The following PLCG2 variants were observed in gnomAD, a reference collection of about 807,000 sequenced individuals.
PLCG2 encodes the protein 1-phosphatidylinositol 4,5-bisphosphate phosphodiesterase gamma-2.
A neutral mutation model predicts 175.6 loss-of-function variants in PLCG2; 69 were observed. The observed-to-expected ratio is 0.39, with a 90% CI of 0.32 to 0.48. PLCG2 has a LOEUF of 0.48. Among genes scored for constraint, PLCG2 ranks in the 20% least tolerant of loss-of-function variants. The pLI is 0.91. For missense variants in PLCG2, 1,798 were observed against 1,650.9 expected (o/e 1.09, Z -1.54); for synonymous variants, 827 against 624.0 (o/e 1.33, Z -4.85).
At chr16:81,769,799 G>T (rs1274556372) in intron 2 of PLCG2, among the ~76,000 whole-genome samples, 1 of 134,646 alleles carries the variant, frequency 7.4e-6, no homozygotes, top group African/African-American at 2.9e-5. Flanking sequence ...CAGCCTGGGC[G>T]ACAGAGCGAG....
chr16:81,787,747 C>G (rs1398680027), intron 2 of PLCG2, among the ~76,000 whole-genome samples: 1 of 152,126 alleles, frequency 6.6e-6, no homozygotes, highest in Non-Finnish European at 1.5e-5. Flanking sequence ...TCCCCCCTAC[C>G]AGACGTAAGC....
chr16:81,938,645 A>G, intron 28 of PLCG2, 156 bp from the exon 29 acceptor site: 4 of 601,286 alleles, frequency 6.7e-6, no homozygotes, highest in African/African-American at 1.9e-5. Context: ...ACCTTCATCC[A>G]CTGCAGAAGG....
intron 2 of PLCG2, among the ~76,000 whole-genome samples, chr16:81,812,128 C>T (rs1266548678): frequency 6.8e-6 from 1 of 146,846 alleles, no homozygotes; most frequent in Non-Finnish European, 1.5e-5. Flanking sequence ...CAGCTCACTG[C>T]AAGCTCCGCC....
rs372730927 is a variant in PLCG2 at position 81,938,928 on chromosome 16, C to A, written c.3313+13C>A. 6.7e-6 allele frequency: 10 copies of A among 1,484,572 alleles called. No homozygotes were observed. The East Asian group carries it at 6.8e-5, about 10-fold the overall frequency. 92.0% of individuals were successfully genotyped at this position (1,484,572 alleles called of 1,614,324 possible). On this transcript the variant is annotated intron_variant, in intron 29 of 32. Transcript: ENST00000564138. ...ACGACGGTTGTGAGTAAGTCAGTCA[C>A]CTTGGCCCCTCTGCTTTTAAACGTC...
At chr16:81,832,175 C>G (rs1050592549) in intron 2 of PLCG2, among the ~76,000 whole-genome samples, 4 of 152,132 alleles carry the variant, frequency 2.6e-5, no homozygotes, top group Admixed American at 6.5e-5. Context: ...AGCCTTTGCT[C>G]AGTGCCTGAC....
At chr16:81,757,316 C>CA (rs1196108148) in intron 2 of PLCG2, among the ~76,000 whole-genome samples, 1 of 151,792 alleles carries the variant, frequency 6.6e-6, no homozygotes, top group Non-Finnish European at 1.5e-5. Context: ...CCCAAACAAA[C>CA]AAAAAAACAA....
intron 5 of PLCG2, among the ~76,000 whole-genome samples, chr16:81,866,569 G>A (rs1239146848): frequency 1.1e-5 from 1 of 93,074 alleles, no homozygotes; most frequent in Non-Finnish European, 2.6e-5. Flanking sequence ...AGAGGACGTG[G>A]CCTCTCCCTT....
intron 11 of PLCG2, among the ~76,000 whole-genome samples, chr16:81,893,084 C>T (rs1908714141): frequency 6.6e-6 from 1 of 152,164 alleles, no homozygotes; most frequent in Admixed American, 6.5e-5. Context: ...TGGTCTTGAA[C>T]ACCTGACCTC....
At chr16:81,851,371 C>T (rs935826413) in intron 2 of PLCG2, among the ~76,000 whole-genome samples, 8 of 152,142 alleles carry the variant, frequency 5.3e-5, no homozygotes, top group African/African-American at 1.2e-4. Flanking sequence ...ACATACACTC[C>T]GTTTTCTTGT....
Position 81,923,572 on chromosome 16 carries a change from G to A in PLCG2, c.2395G>A (p.Val799Ile), listed in dbSNP as rs781130389. 2 of 1,612,414 alleles carry A rather than the reference G, an allele frequency of 1.2e-6. No individual in the cohort carries two copies. Among genetic ancestry groups the A allele is most frequent in the Non-Finnish European group, 1.7e-6 (2 of 1,178,750 alleles). The change falls in exon 22 of 33, where the codon GTC becomes ATC. Residue 799 changes from valine to isoleucine, a missense_variant. Transcript: ENST00000564138. ...SFCRGALIHN[V>I]SKEPGGWWKG... Reference sequence around the variant, plus strand: ...CTGCCGTGGTGCCCTCATCCACAATGTCTCCAAGGAGCCCGGGGGCTGGTA... The same window carrying A: ...CTGCCGTGGTGCCCTCATCCACAATATCTCCAAGGAGCCCGGGGGCTGGTA...
rs67160306 is a variant in PLCG2, at chr16:81,787,393, A to ATTTTTTTTTTTTTT, written c.193+1216_193+1229dup. On this transcript the variant is annotated intron_variant, in intron 2 of 32. Transcript: ENST00000564138. Reference sequence around the variant, plus strand: ...TGCACCGCCATGCCTGGATAATTTAATTTTTTTTTTTTTTTTTTGTAGAGA... The same window carrying ATTTTTTTTTTTTTT: ...TGCACCGCCATGCCTGGATAATTTAATTTTTTTTTTTTTTTTTTTTTTTTTTTTTTTTGTAGAGA... Among the ~76,000 whole-genome samples the ATTTTTTTTTTTTTT allele has an allele frequency of 7.4e-3, 695 of 94,522 alleles. 20 individuals carry two copies. The highest frequency in any genetic ancestry group is 9.9e-3 in the Non-Finnish European group (504 of 51,120). The allele number at this position is 94,522 out of a possible 152,430, so 62.0% of individuals were successfully genotyped here.
chr16:81,857,029 C>G (rs79737853), intron 3 of PLCG2, among the ~76,000 whole-genome samples: 2 of 152,120 alleles, frequency 1.3e-5, no homozygotes, highest in African/African-American at 4.8e-5. Context: ...CTCATGCAAC[C>G]AGTCTATTTT....
chr16:81,825,572 G>A (rs1905013989), intron 2 of PLCG2, among the ~76,000 whole-genome samples: 1 of 152,176 alleles, frequency 6.6e-6, no homozygotes, highest in Non-Finnish European at 1.5e-5. Context: ...TGGGATTATA[G>A]GCGTGAGCCA....
chr16:81,876,999 GCCTCC>G, intron 7 of PLCG2, among the ~76,000 whole-genome samples: 1 of 152,292 alleles, frequency 6.6e-6, no homozygotes, highest in East Asian at 1.9e-4. Flanking sequence ...AAAAGTCCTT[GCCTCC>G]CTGGGCCTGT....
At chr16:81,837,672 G>A (rs186395356) in intron 2 of PLCG2, among the ~76,000 whole-genome samples, 13 of 150,376 alleles carry the variant, frequency 8.6e-5, no homozygotes, top group African/African-American at 2.7e-4. Context: ...CATCTGTTTG[G>A]TACCAACATG....
chr16:81,744,184 T>C (rs1909657128), intron 1 of PLCG2, among the ~76,000 whole-genome samples: 1 of 144,632 alleles, frequency 6.9e-6, no homozygotes, highest in Non-Finnish European at 1.5e-5. Flanking sequence ...TTTTTTTTTG[T>C]TTGAGATGGA....
intron 1 of PLCG2, among the ~76,000 whole-genome samples, chr16:81,747,253 G>T (rs1269436369): frequency 2.6e-5 from 4 of 152,164 alleles, no homozygotes. Context: ...ATATTAATGG[G>T]ACTGGGCGCG....
chr16:81,937,168 C>T (rs936588324), intron 27 of PLCG2, among the ~76,000 whole-genome samples: 19 of 152,292 alleles, frequency 1.2e-4, no homozygotes, highest in Middle Eastern at 3.4e-3. Flanking sequence ...CCATAGAGAT[C>T]GTGGGCGGGG....
At chr16:81,780,235 G>T (rs1910668865) in intron 1 of PLCG2, among the ~76,000 whole-genome samples, 1 of 152,150 alleles carries the variant, frequency 6.6e-6, no homozygotes, top group Non-Finnish European at 1.5e-5. Flanking sequence ...AGTTCCATCA[G>T]TGGGACCCTG....
Sources: gnomAD v4.1 joint callset for allele counts (sites outside exome capture counted in the v4.1 genomes callset) on GRCh38, gnomAD v4.1.1 for gene constraint, MANE v1.5 for transcripts, NCBI Gene and HGNC (gene_info 2026-07-23, HGNC 2026-07-21) for gene names.